The following ZNF236 variants were observed in gnomAD, a reference collection of about 807,000 sequenced individuals.
ZNF236 encodes the protein zinc finger protein 236, also known as regulated by glucose.
In ZNF236, 50 loss-of-function variants were observed where a neutral mutation model predicts 191.2. That is an observed-to-expected ratio of 0.26 (90% CI 0.21 to 0.33). The LOEUF (loss-of-function observed/expected upper bound fraction) is 0.33, where lower values mean the gene tolerates loss of function less well. ZNF236 is among the 10% of genes least tolerant of loss of function. The pLI is 1.00. For missense variants in ZNF236, 1,754 were observed against 2,374.5 expected (o/e 0.74, Z 5.43); for synonymous variants, 907 against 928.8 (o/e 0.98, Z 0.43).
rs78413417 is a variant in ZNF236, at chr18:76,911,463, G to A, written c.2805+652G>A. Among the ~76,000 whole-genome samples the A allele has an allele frequency of 3.4e-3, 522 of 152,320 alleles. 10 individuals are homozygous for A. The South Asian group carries it at 0.045, about 13-fold the overall frequency. ...ATGCTGAATCTGGGAAGTGGAGAAC[G>A]TACTTCTTAGCAGCTGACTTTACTC... On this transcript the variant is annotated intron_variant, in intron 16 of 30. Coordinates refer to ENST00000320610, the MANE Select transcript of ZNF236 (RefSeq NM_001306089.2).
In ZNF236 at chr18:76,956,108, G is replaced by A. The variant is rs1434682557; in HGVS notation, c.5038G>A (p.Glu1680Lys). 2 of 1,584,290 alleles carry A rather than the reference G, an allele frequency of 1.3e-6. No individual in the cohort carries two copies. Among genetic ancestry groups the A allele is most frequent in the East Asian group, 2.3e-5 (1 of 43,670 alleles). The change falls in exon 28 of 31, where the codon GAG (glutamate) becomes AAG (lysine). Residue 1680 changes from glutamate to lysine, a missense_variant. This residue lies in a region of ZNF236 where 606 missense variants were observed against 761.5 expected (regional missense o/e 0.80). Coordinates refer to ENST00000320610, the MANE Select transcript of ZNF236 (RefSeq NM_001306089.2). The stretch of plus-strand genomic sequence containing the variant: ...GGCGGTGCTCATGCACCACAGCAAG[G>A]AGGTGCATGGCCGGGAGCGCATCCA... ...SAAVLMHHSK[E>K]VHGRERIHGC...
In ZNF236 at chr18:76,937,270, C is replaced by A; in HGVS notation, c.4709C>A (p.Thr1570Lys). ...SSGVGGDASV[T>K]LTLADTQGML... is the part of the protein sequence containing the mutation. The stretch of plus-strand genomic sequence containing the variant: ...GGCGTGGGAGGTGACGCTAGTGTCA[C>A]GCTGACGCTGGCCGATACTCAGGGT... The change falls in exon 26 of 31, where the codon ACG (threonine) becomes AAG (lysine). Residue 1570 changes from threonine to lysine, a missense_variant. Around this residue, in one of 5 missense-constraint regions of ZNF236, gnomAD observed 606 missense variants for 761.5 expected, o/e 0.80. Coordinates refer to ENST00000320610, the MANE Select transcript of ZNF236 (RefSeq NM_001306089.2). 2 of 1,614,168 alleles carry A rather than the reference C, an allele frequency of 1.2e-6. No homozygotes were observed. Among genetic ancestry groups the A allele is most frequent in the Non-Finnish European group, 1.7e-6 (2 of 1,180,030 alleles).
chr18:76,948,241 T>C (rs1018679173), intron 27 of ZNF236, among the ~76,000 whole-genome samples: 1 of 152,212 alleles, frequency 6.6e-6, no homozygotes, highest in Admixed American at 6.5e-5. Context: ...AGATGATGAA[T>C]AATCTCTGAA....
chr18:76,927,093 A>G lies in ZNF236; in HGVS notation c.4084A>G (p.Ile1362Val), dbSNP rs1214944874. 5.6e-6 allele frequency: 9 copies of G among 1,614,000 alleles called. No homozygotes were observed. The highest frequency in any genetic ancestry group is 7.6e-6 in the Non-Finnish European group (9 of 1,180,038). The stretch of plus-strand genomic sequence containing the variant: ...TGGGAGCCTGGCTACCCTAGAAGGC[A>G]TCCAGTTACAGTTGGCTGCTAACTT... The part of the protein sequence containing the change: ...TDGSLATLEG[I>V]QLQLAANLVG... The change falls in exon 23 of 31, where the codon ATC (isoleucine) becomes GTC (valine). Residue 1362 changes from isoleucine to valine, a missense_variant. Physicochemically the swap from Ile to Val is conservative, Grantham distance 29. Coordinates refer to ENST00000320610, the MANE Select transcript of ZNF236 (RefSeq NM_001306089.2). This position sits in a 1 kb window ranked among gnomAD's most constrained non-coding sequence, Gnocchi z 5.4.
In ZNF236 at chr18:76,896,340, C is replaced by T. The variant is rs574942425; in HGVS notation, c.1690+1055C>T. Among the ~76,000 whole-genome samples, 19 of 151,332 alleles carry T rather than the reference C, an allele frequency of 1.3e-4. No homozygotes were observed. In the East Asian group the frequency reaches 2.7e-3, roughly 22 times the overall value. ...ACACACAGGCATTGCCCACAGGGAC[C>T]GCACACAGTACCAAACACAGGTACT... On this transcript the variant is annotated intron_variant, in intron 10 of 30. Transcript: ENST00000320610.
rs1186845731 is a variant in ZNF236 at position 76,925,932 on chromosome 18, TAGTGCTTGAGA to T, written c.4027+383_4027+393del. ...GTTTTCCAGTTGTTCTTGCGTCTCA[TAGTGCTTGAGA>T]AGTGTTACATTTTAGCTAGTTGTGT... On this transcript the variant is annotated intron_variant, in intron 22 of 30. Coordinates refer to ENST00000320610, the MANE Select transcript of ZNF236 (RefSeq NM_001306089.2). The surrounding 1 kb of genome is among the most constrained non-coding windows in gnomAD (Gnocchi z 5.7). Among the ~76,000 whole-genome samples the T allele has an allele frequency of 6.6e-6, 1 of 152,242 alleles. No homozygotes were observed. The highest frequency in any genetic ancestry group is 1.5e-5 in the Non-Finnish European group (1 of 68,044).
intron 1 of ZNF236, among the ~76,000 whole-genome samples, chr18:76,823,809 C>T (rs554169987): frequency 6.6e-6 from 1 of 152,248 alleles, no homozygotes; most frequent in East Asian, 1.9e-4. Flanking sequence ...CCGCGGTTCC[C>T]AGGTCGAGGG....
At chr18:76,916,508 C>G (rs1180847178) in intron 19 of ZNF236, among the ~76,000 whole-genome samples, 1 of 152,214 alleles carries the variant, frequency 6.6e-6, no homozygotes, top group Non-Finnish European at 1.5e-5. Flanking sequence ...AAACATTAGA[C>G]ACGTTAATTC....
intron 2 of ZNF236, among the ~76,000 whole-genome samples, chr18:76,851,297 G>A (rs1040737850): frequency 2.4e-5 from 3 of 123,308 alleles, no homozygotes; most frequent in Middle Eastern, 4.9e-3. Flanking sequence ...ACAGAGTCTC[G>A]CCCTCTTGCC....
intron 1 of ZNF236, among the ~76,000 whole-genome samples, chr18:76,832,104 G>A (rs1444749164): frequency 6.6e-6 from 1 of 152,018 alleles, no homozygotes; most frequent in East Asian, 1.9e-4. Context: ...TTTTGAGACA[G>A]GGTCTCGCTC....
At chr18:76,910,195 T>C (rs923414536) in intron 15 of ZNF236, 26 bp downstream of exon 15, 3 of 1,574,662 alleles carry the variant, frequency 1.9e-6, no homozygotes, top group African/African-American at 1.3e-5. Flanking sequence ...TCAATGAAAT[T>C]TGTAAGTGAG....
Position 76,956,096 on chromosome 18 carries a change from C to A in ZNF236, c.5026C>A (p.His1676Asn). The A allele has an allele frequency of 6.3e-7, 1 of 1,590,002 alleles. No homozygotes were observed. The highest frequency in any genetic ancestry group is 8.6e-7 in the Non-Finnish European group (1 of 1,169,296). The change falls in exon 28 of 31, where the codon CAC becomes AAC. Residue 1676 changes from histidine (H) to asparagine (N), a missense_variant. Transcript: ENST00000320610. ...CTTCTCATCGGCGGCGGTGCTCATGCACCACAGCAAGGAGGTGCATGGCCG... is the reference window on the plus strand; with the variant it reads ...CTTCTCATCGGCGGCGGTGCTCATGAACCACAGCAAGGAGGTGCATGGCCG... ...RAFSSAAVLM[H>N]HSKEVHGRER...
chr18:76,945,164 T>C (rs1968227673), intron 26 of ZNF236, among the ~76,000 whole-genome samples: 1 of 152,228 alleles, frequency 6.6e-6, no homozygotes, highest in Admixed American at 6.5e-5. Flanking sequence ...AGTTGTAATT[T>C]TTCCCTTGAT....
At chr18:76,897,460 C>T (rs1977463937) in intron 10 of ZNF236, among the ~76,000 whole-genome samples, 1 of 152,038 alleles carries the variant, frequency 6.6e-6, no homozygotes, top group Non-Finnish European at 1.5e-5. Flanking sequence ...CCCACAGGGA[C>T]TGCATACCGT....
At chr18:76,896,915 C>T (rs764571674) in intron 10 of ZNF236, among the ~76,000 whole-genome samples, 2 of 151,930 alleles carry the variant, frequency 1.3e-5, no homozygotes, top group Non-Finnish European at 2.9e-5. Flanking sequence ...ACACAGTACA[C>T]ACAAGTACTG....
chr18:76,851,139 G>GTTTC (rs1189694747), intron 2 of ZNF236, among the ~76,000 whole-genome samples: 2 of 147,756 alleles, frequency 1.4e-5, no homozygotes, highest in Non-Finnish European at 3.0e-5. Flanking sequence ...ATTAGAATAT[G>GTTTC]TTTCTTTCTC....
At position 76,881,405 on chromosome 18, in the gene ZNF236, A is replaced by G; in HGVS notation, c.1310A>G (p.Glu437Gly). The G allele has an allele frequency of 1.2e-6, 2 of 1,614,136 alleles. No individual in the cohort carries two copies. Among genetic ancestry groups the G allele is most frequent in the Non-Finnish European group, 1.7e-6 (2 of 1,180,020 alleles). The change falls in exon 9 of 31, where the codon GAG becomes GGG. Residue 437 changes from glutamate (E) to glycine (G), a missense_variant. Around this residue, in one of 5 missense-constraint regions of ZNF236, gnomAD observed 126 missense variants for 110.9 expected, o/e 1.14. Transcript: ENST00000320610. ...QNPDVSSVSNEQTDPTDAEQE... is the reference protein window; with the variant it reads ...QNPDVSSVSNGQTDPTDAEQE... ...CCAGATGTTTCCAGCGTTTCAAATG[A>G]GCAGACGGACCCCACAGACGCAGAG...
At chr18:76,964,673 A>G (rs575971959) in intron 30 of ZNF236, among the ~76,000 whole-genome samples, 17 of 152,208 alleles carry the variant, frequency 1.1e-4, no homozygotes, top group African/African-American at 3.9e-4. Flanking sequence ...GAAGTCTCCC[A>G]CTATTATTAT....
Position 76,926,999 on chromosome 18 carries a change from A to G in ZNF236, c.4028-38A>G, listed in dbSNP as rs1003256459. 12 of 1,574,476 alleles carry G rather than the reference A, an allele frequency of 7.6e-6. No individual in the cohort carries two copies. In the African/African-American group the frequency reaches 1.6e-4, roughly 21 times the overall value. On this transcript the variant is annotated intron_variant, in intron 22 of 30. Transcript: ENST00000320610. Reference sequence around the variant, plus strand: ...ATTACTTTAGTTTTAAGAAGCATTCATAATATTTGATCATTCTCTTTCTCT... The same window carrying G: ...ATTACTTTAGTTTTAAGAAGCATTCGTAATATTTGATCATTCTCTTTCTCT...
Sources: allele counts gnomAD v4.1 joint callset (sites outside exome capture counted in the v4.1 genomes callset), GRCh38; gene constraint gnomAD v4.1.1; regional missense constraint gnomAD v4.1.1; non-coding constraint Gnocchi (gnomAD v3.1); transcripts MANE v1.5; gene names NCBI Gene and HGNC (gene_info 2026-07-23, HGNC 2026-07-21).